Variants in PPP2R5A observed in about 807,000 individuals in gnomAD.
PPP2R5A encodes the protein protein phosphatase 2 regulatory subunit B'alpha, also known as serine/threonine-protein phosphatase 2A 56 kDa regulatory subunit alpha isoform.
PPP2R5A carries 25 observed loss-of-function variants against 64.2 expected under a neutral mutation model. The ratio of observed to expected loss-of-function variants is 0.39; its 90% CI spans 0.28 to 0.54. PPP2R5A has a LOEUF of 0.54. PPP2R5A is among the 20% of genes least tolerant of loss of function. The pLI, the probability that PPP2R5A is intolerant of heterozygous loss-of-function variation, is 0.67. For synonymous variants in PPP2R5A, 198 were observed against 201.2 expected (o/e 0.98, Z 0.13); for missense variants, 425 against 576.3 (o/e 0.74, Z 2.69).
At chr1:212,314,533 C>G (rs1435386094) in intron 1 of PPP2R5A, among the ~76,000 whole-genome samples, 1 of 150,922 alleles carries the variant, frequency 6.6e-6, no homozygotes, top group Admixed American at 6.6e-5. Context: ...GTAGCTGGAA[C>G]TACAGGTGTG....
At chr1:212,311,944 T>C (rs1659041135) in intron 1 of PPP2R5A, among the ~76,000 whole-genome samples, 3 of 152,218 alleles carry the variant, frequency 2.0e-5, no homozygotes, top group South Asian at 2.1e-4. Context: ...TAAATAAATT[T>C]AGGGTAGCCT....
intron 8 of PPP2R5A, among the ~76,000 whole-genome samples, chr1:212,351,067 C>T (rs1379891506): frequency 6.6e-6 from 1 of 150,918 alleles, no homozygotes; most frequent in African/African-American, 2.4e-5. Context: ...TCACTTGAAC[C>T]CTGGAGGCGG....
At chr1:212,305,781 C>T (rs889301975) in intron 1 of PPP2R5A, among the ~76,000 whole-genome samples, 8 of 151,872 alleles carry the variant, frequency 5.3e-5, no homozygotes, top group African/African-American at 1.9e-4. Flanking sequence ...AAGACTGACC[C>T]TTCTATCATT....
chr1:212,291,953 G>A (rs1013161317), intron 1 of PPP2R5A, among the ~76,000 whole-genome samples: 1 of 152,152 alleles, frequency 6.6e-6, no homozygotes, highest in Non-Finnish European at 1.5e-5. Flanking sequence ...ACCACTTTGG[G>A]ATGTAAAACT....
intron 1 of PPP2R5A, among the ~76,000 whole-genome samples, chr1:212,322,200 G>A (rs1357940244): frequency 6.8e-6 from 1 of 147,128 alleles, no homozygotes; most frequent in Non-Finnish European, 1.5e-5. Context: ...GAGGGAGACC[G>A]TGGGGAGAGG....
chr1:212,348,708 G>A (rs1351646310), intron 7 of PPP2R5A, among the ~76,000 whole-genome samples: 1 of 152,124 alleles, frequency 6.6e-6, no homozygotes, highest in Non-Finnish European at 1.5e-5. Context: ...TACAGTTTAA[G>A]ATACACACTT....
At chr1:212,341,414 C>A (rs932559316) in intron 3 of PPP2R5A, among the ~76,000 whole-genome samples, 1 of 152,034 alleles carries the variant, frequency 6.6e-6, no homozygotes, top group South Asian at 2.1e-4. Context: ...AGAAGTTTTT[C>A]TTTTCCTTTC....
intron 4 of PPP2R5A, 28 bp downstream of exon 4, chr1:212,342,308 C>T (rs1345055088): frequency 6.2e-7 from 1 of 1,601,140 alleles, no homozygotes; most frequent in Admixed American, 1.7e-5. Context: ...CTTAGATTCT[C>T]ATATATTCAT....
intron 1 of PPP2R5A, among the ~76,000 whole-genome samples, chr1:212,321,695 C>A (rs1415660847): frequency 1.4e-5 from 2 of 148,090 alleles, no homozygotes; most frequent in Non-Finnish European, 3.0e-5. Flanking sequence ...ACACTCCTCA[C>A]TTTCCAGACT....
chr1:212,285,826 G>C lies in PPP2R5A; in HGVS notation c.-285G>C, dbSNP rs1658483387. 3.0e-6 allele frequency: 1 copy of C among 331,430 alleles called. No homozygotes were observed. The highest frequency in any genetic ancestry group is 2.2e-5 in the African/African-American group (1 of 46,462). The allele number at this position is 331,430 out of a possible 1,614,324, so 20.5% of individuals were successfully genotyped here. On this transcript the variant is annotated 5_prime_UTR_variant, in exon 1 of 13. Coordinates refer to ENST00000261461, the MANE Select transcript of PPP2R5A (RefSeq NM_006243.4). ...CTCTTCCACCCGCTCTGCGCGCCCA[G>C]AGTCAACAACTTCTTCACCCCCCTC...
intron 1 of PPP2R5A, among the ~76,000 whole-genome samples, chr1:212,311,544 T>C (rs998675909): frequency 2.6e-5 from 4 of 152,256 alleles, no homozygotes; most frequent in Admixed American, 6.5e-5. Context: ...CTGGCTTATG[T>C]ATTTATTATA....
chr1:212,329,092 C>T, intron 1 of PPP2R5A, 43 bp from the exon 2 acceptor site: 1 of 1,329,136 alleles, frequency 7.5e-7, no homozygotes, highest in African/African-American at 1.5e-5. Flanking sequence ...AAAGTAACTT[C>T]TGAGTAGGTT....
At chr1:212,343,074 A>G (rs926857167) in intron 4 of PPP2R5A, among the ~76,000 whole-genome samples, 4 of 152,000 alleles carry the variant, frequency 2.6e-5, no homozygotes, top group African/African-American at 9.7e-5. Context: ...CAGCCTCCCA[A>G]GTAGCTGGGA....
At chr1:212,352,292 G>A (rs772846360) in intron 8 of PPP2R5A, among the ~76,000 whole-genome samples, 2 of 151,972 alleles carry the variant, frequency 1.3e-5, no homozygotes, top group Non-Finnish European at 2.9e-5. Flanking sequence ...GCCTTCCAAA[G>A]TGCTAGGATT....
intron 4 of PPP2R5A, among the ~76,000 whole-genome samples, chr1:212,343,050 C>T (rs1031305983): frequency 1.3e-5 from 2 of 151,972 alleles, no homozygotes; most frequent in African/African-American, 4.8e-5. Flanking sequence ...TGGGTTCAAG[C>T]GATTCTCCTG....
chr1:212,311,335 G>GCAGGCGCCTGTAGTCC (rs1308452170), intron 1 of PPP2R5A, among the ~76,000 whole-genome samples: 4 of 152,080 alleles, frequency 2.6e-5, no homozygotes, highest in Non-Finnish European at 5.9e-5. Context: ...GGGTGTGGTG[G>GCAGGCGCCTGTAGTCC]CAGGCGCCTG....
chr1:212,346,124 G>GC (rs1659772322), intron 5 of PPP2R5A, among the ~76,000 whole-genome samples, 191 bp downstream of exon 5: 1 of 151,842 alleles, frequency 6.6e-6, no homozygotes, highest in Admixed American at 6.6e-5. Context: ...CTCTCAGCCT[G>GC]CCAAGTAGTG....
At chr1:212,323,840 G>A (rs1435119746) in intron 1 of PPP2R5A, among the ~76,000 whole-genome samples, 2 of 152,116 alleles carry the variant, frequency 1.3e-5, no homozygotes, top group Non-Finnish European at 2.9e-5. Flanking sequence ...TTGGGAGGCC[G>A]AGGTGGGTGG....
intron 1 of PPP2R5A, among the ~76,000 whole-genome samples, chr1:212,307,383 GTTTCC>G (rs1658938430): frequency 1.3e-5 from 2 of 151,054 alleles, no homozygotes; most frequent in South Asian, 4.2e-4. Context: ...ATATGCCTCT[GTTTCC>G]TTTCCTCCTT....
Sources: gnomAD v4.1 joint callset for allele counts (sites outside exome capture counted in the v4.1 genomes callset) on GRCh38, gnomAD v4.1.1 for gene constraint, MANE v1.5 for transcripts, NCBI Gene and HGNC (gene_info 2026-07-23, HGNC 2026-07-21) for gene names.